Variants in SRPK2 observed in about 807,000 individuals in gnomAD.
SRPK2 encodes the protein SRSF protein kinase 2.
SRPK2 carries 21 observed loss-of-function variants against 90.8 expected under a neutral mutation model. That is an observed-to-expected ratio of 0.23 (90% CI 0.16 to 0.33). The LOEUF (loss-of-function observed/expected upper bound fraction) is 0.33, where lower values mean the gene tolerates loss of function less well. Among genes scored for constraint, SRPK2 ranks in the 10% least tolerant of loss-of-function variants. SRPK2 has a pLI of 1.00. For synonymous variants in SRPK2, 288 were observed against 311.1 expected, an observed-to-expected ratio of 0.93 and a Z score of 0.78; for missense variants, 620 against 869.0, an observed-to-expected ratio of 0.71 and a Z score of 3.60.
chr7:105,197,819 G>A (rs1795105108), intron 3 of SRPK2, among the ~76,000 whole-genome samples: 1 of 152,204 alleles, frequency 6.6e-6, no homozygotes, highest in Admixed American at 6.5e-5. Flanking sequence ...GACCACAGCT[G>A]TTGATGTCTC....
rs373330912 is a variant in SRPK2 at position 105,160,525 on chromosome 7, C to A, written c.603G>T (p.Val201=). 2.2e-5 allele frequency: 35 copies of A among 1,612,732 alleles called. No homozygotes were observed. Among genetic ancestry groups the A allele is most frequent in the Non-Finnish European group, 2.8e-5 (33 of 1,178,742 alleles). ...GTCTCACCTGTCGAATGATACTCTTCACACAACGTACTGGGAGGCCTTGAT... is the reference window on the plus strand; with the variant it reads ...GTCTCACCTGTCGAATGATACTCTTAACACAACGTACTGGGAGGCCTTGAT... ...SNYQGLPVRC[V]KSIIRQVLQG... is the part of the protein sequence containing the mutation. Residue 201 remains valine, a synonymous_variant, in exon 7 of 16, where the codon GTG becomes GTT. Transcript: ENST00000393651.
intron 2 of SRPK2, among the ~76,000 whole-genome samples, chr7:105,317,486 G>T (rs2131488023): frequency 6.6e-6 from 1 of 152,246 alleles, no homozygotes; most frequent in African/African-American, 2.4e-5. Context: ...TTCCAGCAAG[G>T]CTTATTAACA....
chr7:105,397,707 C>G (rs1194045002), intron 1 of SRPK2, among the ~76,000 whole-genome samples: 1 of 150,220 alleles, frequency 6.7e-6, no homozygotes, highest in African/African-American at 2.5e-5. Context: ...ACAGTGGCAC[C>G]ATCTGAGCTC....
At chr7:105,392,882 C>T (rs998928068), upstream of SRPK2, among the ~76,000 whole-genome samples, 2 of 147,878 alleles carry the variant, frequency 1.4e-5, no homozygotes, top group Non-Finnish European at 3.0e-5. Flanking sequence ...GTGTGATCTC[C>T]GCTCATTGCA....
At chr7:105,155,734 T>A (rs1806398873) in intron 7 of SRPK2, among the ~76,000 whole-genome samples, 1 of 152,164 alleles carries the variant, frequency 6.6e-6, no homozygotes, top group South Asian at 2.1e-4. Context: ...AATGGTGGGA[T>A]TTTCGTTGAG....
At position 105,337,744 on chromosome 7, in the gene SRPK2, G is replaced by A. The variant is rs1181597335; in HGVS notation, c.71+50904C>T. Among the ~76,000 whole-genome samples the A allele has an allele frequency of 2.0e-5, 3 of 152,130 alleles. No individual in the cohort carries two copies. The East Asian group carries it at 5.8e-4, about 29-fold the overall frequency. The stretch of plus-strand genomic sequence containing the variant: ...GCCCTCCTGGAACCTGACCATGCTG[G>A]CAGCCTGATCTCAGACTTTCGGCCT... On this transcript the variant is annotated intron_variant, in intron 2 of 15. Coordinates refer to ENST00000393651, the MANE Select transcript of SRPK2 (RefSeq NM_182692.3).
At chr7:105,369,999 C>T (rs555726907) in intron 2 of SRPK2, among the ~76,000 whole-genome samples, 9 of 150,190 alleles carry the variant, frequency 6.0e-5, no homozygotes, top group African/African-American at 2.0e-4. Flanking sequence ...TGCACTCCAG[C>T]CTGGGCAACA....
intron 3 of SRPK2, among the ~76,000 whole-genome samples, chr7:105,192,066 T>TAA (rs1563062299): frequency 8.3e-6 from 1 of 119,892 alleles, no homozygotes; most frequent in South Asian, 2.7e-4. Context: ...TTTTTTTTTT[T>TAA]AATTTCCATA....
At chr7:105,337,987 T>C (rs960019176) in intron 2 of SRPK2, among the ~76,000 whole-genome samples, 10 of 151,656 alleles carry the variant, frequency 6.6e-5, no homozygotes, top group Non-Finnish European at 1.3e-4. Context: ...TAAATTTAGG[T>C]GCCAAGTACT....
At chr7:105,276,766 G>A (rs527378169) in intron 2 of SRPK2, among the ~76,000 whole-genome samples, 1 of 152,144 alleles carries the variant, frequency 6.6e-6, no homozygotes, top group African/African-American at 2.4e-5. Flanking sequence ...ACGTGTTAAG[G>A]TTGCCTGAAA....
chr7:105,148,504 C>T (rs974362584), intron 7 of SRPK2, among the ~76,000 whole-genome samples: 1 of 152,072 alleles, frequency 6.6e-6, no homozygotes, highest in African/African-American at 2.4e-5. Context: ...TTTTACAAAA[C>T]AGATCATGTT....
intron 2 of SRPK2, among the ~76,000 whole-genome samples, chr7:105,313,956 A>T (rs1369779890): frequency 2.6e-5 from 4 of 152,246 alleles, no homozygotes; most frequent in African/African-American, 7.2e-5. Flanking sequence ...CCTCATTTAT[A>T]TCCAAAAAAA....
intron 2 of SRPK2, among the ~76,000 whole-genome samples, chr7:105,269,720 G>A (rs1309844754): frequency 6.6e-6 from 1 of 152,172 alleles, no homozygotes; most frequent in Admixed American, 6.5e-5. Context: ...AAGATAAGGA[G>A]ACAATCTAAC....
chr7:105,284,621 C>T (rs1043172692), intron 2 of SRPK2, among the ~76,000 whole-genome samples: 3 of 152,186 alleles, frequency 2.0e-5, no homozygotes, highest in Non-Finnish European at 4.4e-5. Flanking sequence ...TGTCAATTCA[C>T]CACAATTCAT....
chr7:105,332,904 A>T (rs971620703), intron 2 of SRPK2: 1 of 152,130 alleles, frequency 6.6e-6, no homozygotes, highest in African/African-American at 2.4e-5. Context: ...TTTTTTACAT[A>T]AAAAAATAAG....
At chr7:105,139,412 AAAAG>A (rs984342872) in intron 11 of SRPK2, among the ~76,000 whole-genome samples, 1 of 152,222 alleles carries the variant, frequency 6.6e-6, no homozygotes, top group African/African-American at 2.4e-5. Flanking sequence ...ATGAGAGAAA[AAAAG>A]AAGACATCCT....
At chr7:105,207,149 C>T (rs1382965305) in intron 2 of SRPK2, among the ~76,000 whole-genome samples, 1 of 152,130 alleles carries the variant, frequency 6.6e-6, no homozygotes, top group African/African-American at 2.4e-5. Flanking sequence ...ATTTTATTTT[C>T]ATTTTGAGAC....
At chr7:105,344,266 C>CA (rs1371703496) in intron 2 of SRPK2, among the ~76,000 whole-genome samples, 3 of 148,776 alleles carry the variant, frequency 2.0e-5, no homozygotes, top group Non-Finnish European at 4.5e-5. Flanking sequence ...GCTTGTGTTT[C>CA]AAAAAAACTT....
chr7:105,204,294 C>T (rs1795928052), intron 2 of SRPK2, among the ~76,000 whole-genome samples: 1 of 152,142 alleles, frequency 6.6e-6, no homozygotes, highest in Non-Finnish European at 1.5e-5. Flanking sequence ...CTCATAAAAG[C>T]TGATTAACAT....
Sources: allele counts gnomAD v4.1 joint callset (sites outside exome capture counted in the v4.1 genomes callset), GRCh38; gene constraint gnomAD v4.1.1; transcripts MANE v1.5; gene names NCBI Gene and HGNC (gene_info 2026-07-23, HGNC 2026-07-21).